The following TMC7 variants were observed in gnomAD, a reference collection of about 807,000 sequenced individuals.
TMC7 encodes transmembrane channel like 7.
TMC7 carries 54 observed loss-of-function variants against 82.9 expected under a neutral mutation model. The observed-to-expected ratio is 0.65, with a 90% CI of 0.52 to 0.82. TMC7 has a LOEUF of 0.82. Among genes scored for constraint, TMC7 ranks in the 40% least tolerant of loss-of-function variants. The pLI, the probability that TMC7 is intolerant of heterozygous loss-of-function variation, is 0.00. For synonymous variants in TMC7, 350 were observed against 337.9 expected, an observed-to-expected ratio of 1.04 and a Z score of -0.39; for missense variants, 820 against 901.2, an observed-to-expected ratio of 0.91 and a Z score of 1.15.
rs1299495821 is a variant in TMC7 at position 19,009,340 on chromosome 16, A to G, written c.236A>G (p.Asp79Gly). 5.0e-6 allele frequency: 8 copies of G among 1,614,172 alleles called. No homozygotes were observed. Among genetic ancestry groups the G allele is most frequent in the Non-Finnish European group, 5.9e-6 (7 of 1,180,046 alleles). Reference sequence around the variant, plus strand: ...GACTCTTACAGCTCCCAGCTGGAGGACAGAATCGCTGAAAACCTCAGCAGC... The same window carrying G: ...GACTCTTACAGCTCCCAGCTGGAGGGCAGAATCGCTGAAAACCTCAGCAGC... The part of the protein sequence containing the change: ...PTDSYSSQLE[D>G]RIAENLSSHS... The change falls in exon 2 of 16, where the codon GAC becomes GGC. Residue 79 changes from aspartate (D) to glycine (G), a missense_variant. By Grantham distance (94) the Asp-to-Gly change is moderately conservative. Around this residue, in one of 2 missense-constraint regions of TMC7, gnomAD observed 650 missense variants for 669.9 expected, o/e 0.97. Transcript: ENST00000304381.
At chr16:18,991,648 C>T (rs2038953154) in intron 1 of TMC7, among the ~76,000 whole-genome samples, 1 of 152,054 alleles carries the variant, frequency 6.6e-6, no homozygotes, top group Admixed American at 6.6e-5. Flanking sequence ...AGGTTTGTTA[C>T]ATATGTATAC....
chr16:19,037,386 C>CAA (rs34990574), intron 7 of TMC7, among the ~76,000 whole-genome samples: 35 of 13,210 alleles, frequency 2.6e-3, no homozygotes, highest in African/African-American at 3.0e-3. Context: ...GACTCTGTCT[C>CAA]AAAAAAAAAA....
chr16:19,039,087 TTTTTC>T (rs1302669491), intron 8 of TMC7, among the ~76,000 whole-genome samples: 1 of 132,398 alleles, frequency 7.6e-6, no homozygotes, highest in African/African-American at 2.9e-5. Flanking sequence ...TCTTCTTTCT[TTTTTC>T]TTTTTTTTTT....
In TMC7 at chr16:18,998,909, T is replaced by C. The variant is rs920624267; in HGVS notation, c.68-10263T>C. ...GTCACCGGCCCCACCCAGGTGCCAGTTGACGTGAGTCATGCAGTTTCTCCT... is the reference window on the plus strand; with the variant it reads ...GTCACCGGCCCCACCCAGGTGCCAGCTGACGTGAGTCATGCAGTTTCTCCT... On this transcript the variant is annotated intron_variant, in intron 1 of 15. Transcript: ENST00000304381. Among the ~76,000 whole-genome samples the C allele has an allele frequency of 3.9e-5, 6 of 152,158 alleles. No individual in the cohort carries two copies. In the East Asian group the frequency reaches 7.7e-4, roughly 20 times the overall value.
intron 5 of TMC7, among the ~76,000 whole-genome samples, chr16:19,025,740 TGAA>T (rs1441298809): frequency 6.6e-6 from 1 of 151,608 alleles, no homozygotes; most frequent in African/African-American, 2.4e-5. Flanking sequence ...CATTTGATTT[TGAA>T]AAAGCCCCCC....
rs188201527 is a variant in TMC7, at chr16:19,059,622, T to C, written c.2106+128T>C. On this transcript the variant is annotated intron_variant, in intron 15 of 15. Transcript: ENST00000304381. ...TCTCTCACCACCACCTCCCCAAAAC[T>C]CTGCCTTGAGGCCCAGCCGCGTCCA... 4.4e-5 allele frequency: 70 copies of C among 1,586,420 alleles called. 1 individual carries two copies. In the Admixed American group the frequency reaches 1.2e-3, roughly 26 times the overall value.
chr16:18,988,178 G>A (rs1431626150), intron 1 of TMC7, among the ~76,000 whole-genome samples: 2 of 125,696 alleles, frequency 1.6e-5, no homozygotes, highest in African/African-American at 6.3e-5. Flanking sequence ...TTTTTTTGAT[G>A]GAGTCTTGTT....
intron 5 of TMC7, among the ~76,000 whole-genome samples, chr16:19,023,813 G>C (rs928066328): frequency 1.3e-5 from 2 of 152,180 alleles, no homozygotes; most frequent in Non-Finnish European, 2.9e-5. Context: ...AGAAGCTTCA[G>C]TGAAAATGAA....
Position 19,021,641 on chromosome 16 carries a change from C to A in TMC7, c.473C>A (p.Thr158Asn). 1 of 1,614,026 alleles carries A rather than the reference C, an allele frequency of 6.2e-7. No individual in the cohort carries two copies. The highest frequency in any genetic ancestry group is 1.1e-5 in the South Asian group (1 of 91,068). ...TTGTTTTTTCCAGGGAAATTTGGCA[C>A]TGGGATTCAGTCCTATTTCTCCTTC... is the stretch of plus-strand genomic sequence containing the variant. ...DIRSIEGKFG[T>N]GIQSYFSFLR... is the part of the protein sequence containing the mutation. The change falls in exon 4 of 16, where the codon ACT becomes AAT. Residue 158 changes from threonine (T) to asparagine (N), a missense_variant. Thr to Asn is a moderately conservative substitution (Grantham distance 65). This residue lies in a region of TMC7 where 650 missense variants were observed against 669.9 expected (regional missense o/e 0.97). Coordinates refer to ENST00000304381, the MANE Select transcript of TMC7 (RefSeq NM_024847.4).
At chr16:18,988,587 A>G (rs2038895321) in intron 1 of TMC7, among the ~76,000 whole-genome samples, 1 of 151,494 alleles carries the variant, frequency 6.6e-6, no homozygotes, top group Non-Finnish European at 1.5e-5. Flanking sequence ...CACCATACCC[A>G]GCCCAATTTT....
chr16:19,019,041 G>A (rs1000441258), intron 3 of TMC7, among the ~76,000 whole-genome samples: 9 of 152,248 alleles, frequency 5.9e-5, no homozygotes, highest in African/African-American at 2.2e-4. Flanking sequence ...GTAGAGACAG[G>A]GTTTCACCAT....
In TMC7 at chr16:19,040,333, T is replaced by G. The variant is rs1960954624; in HGVS notation, c.1224T>G (p.Tyr408Ter). The change falls in exon 9 of 16, where the codon TAT becomes TAG. Residue 408 changes from tyrosine to a stop codon, truncating the protein, a stop_gained. Coordinates refer to ENST00000304381, the MANE Select transcript of TMC7 (RefSeq NM_024847.4). LOFTEE classifies it high-confidence loss of function. The stretch of plus-strand genomic sequence containing the variant: ...TTGGAGAGAACCTCTTCATATTGTA[T>G]CTACCGTCTATTGTGATCACGCTGG... ...MVFGENLFIL[Y>*]LPSIVITLAN... 1 of 1,613,938 alleles carries G rather than the reference T, an allele frequency of 6.2e-7. No individual in the cohort carries two copies. Among genetic ancestry groups the G allele is most frequent in the Non-Finnish European group, 8.5e-7 (1 of 1,180,034 alleles).
chr16:18,990,670 A>G (rs1285961036), intron 1 of TMC7, among the ~76,000 whole-genome samples: 1 of 152,182 alleles, frequency 6.6e-6, no homozygotes, highest in Non-Finnish European at 1.5e-5. Context: ...AGGTTTTGGT[A>G]TAGGCGGTGG....
intron 6 of TMC7, among the ~76,000 whole-genome samples, chr16:19,031,057 A>G (rs1960493426): frequency 6.6e-6 from 1 of 152,204 alleles, no homozygotes; most frequent in Admixed American, 6.5e-5. Context: ...CTCAAATTAC[A>G]GGAAGGACAA....
At chr16:19,053,536 T>C (rs970988377) in intron 13 of TMC7, among the ~76,000 whole-genome samples, 7 of 152,056 alleles carry the variant, frequency 4.6e-5, no homozygotes, top group Non-Finnish European at 8.8e-5. Flanking sequence ...CCAGAGTAGC[T>C]GGGATTACAG....
intron 2 of TMC7, among the ~76,000 whole-genome samples, chr16:19,010,651 C>T (rs149503377): frequency 5.6e-4 from 86 of 152,258 alleles, no homozygotes; most frequent in African/African-American, 1.8e-3. Context: ...AATAAATCAC[C>T]CCACAACGGA....
intron 12 of TMC7, among the ~76,000 whole-genome samples, chr16:19,047,862 C>T (rs1961355944): frequency 6.8e-6 from 1 of 146,692 alleles, no homozygotes. Flanking sequence ...TACAGGTGCG[C>T]TGTGATTTTT....
Position 19,045,005 on chromosome 16 carries a change from A to T in TMC7, c.1455+4A>T. 6.2e-7 allele frequency: 1 copy of T among 1,603,386 alleles called. No individual in the cohort carries two copies. The highest frequency in any genetic ancestry group is 8.5e-7 in the Non-Finnish European group (1 of 1,171,116). On this transcript the variant is annotated splice_donor_region_variant and intron_variant, in intron 10 of 15. Transcript: ENST00000304381. ...CTACAACCAGAAACTCTACCCGGTG[A>T]GTTGCGGGGCGGGGGCGTTCGGCTG...
intron 1 of TMC7, among the ~76,000 whole-genome samples, chr16:18,999,124 A>C (rs2039096650): frequency 6.6e-6 from 1 of 152,146 alleles, no homozygotes; most frequent in Admixed American, 6.6e-5. Flanking sequence ...CTGCAGCCTC[A>C]ACCTTCCAGG....
Sources: allele counts gnomAD v4.1 joint callset (sites outside exome capture counted in the v4.1 genomes callset), GRCh38; gene constraint gnomAD v4.1.1; regional missense constraint gnomAD v4.1.1; transcripts MANE v1.5; gene names NCBI Gene and HGNC (gene_info 2026-07-23, HGNC 2026-07-21).